Variants in NCAPG2 observed in about 807,000 individuals in gnomAD.
The protein encoded by NCAPG2 is condensin-2 complex subunit G2.
In NCAPG2, 53 loss-of-function variants were observed where a neutral mutation model predicts 141.1. The ratio of observed to expected loss-of-function variants is 0.38; its 90% CI spans 0.30 to 0.47. The LOEUF (loss-of-function observed/expected upper bound fraction) is 0.47, where lower values mean the gene tolerates loss of function less well. Among genes scored for constraint, NCAPG2 ranks in the 20% least tolerant of loss-of-function variants. NCAPG2 has a pLI of 0.99. For missense variants in NCAPG2, 1,087 were observed against 1,389.0 expected (o/e 0.78, Z 3.46); for synonymous variants, 499 against 490.7 (o/e 1.02, Z -0.22).
In NCAPG2 at chr7:158,640,310, T is replaced by C. The variant is rs984282492; in HGVS notation, c.3380+3979A>G. Reference sequence around the variant, plus strand: ...CAGCAATTTGAGAAGCTGAGGCGAGTAGATCACTTGAGATCAAGAATTCGA... The same window carrying C: ...CAGCAATTTGAGAAGCTGAGGCGAGCAGATCACTTGAGATCAAGAATTCGA... On this transcript the variant is annotated intron_variant, in intron 27 of 27. Coordinates refer to ENST00000356309, the MANE Select transcript of NCAPG2 (RefSeq NM_017760.7). 1.2e-4 allele frequency: 18 copies of C among 151,352 alleles called. 1 individual carries two copies. The highest frequency in any genetic ancestry group is 1.5e-5 in the Non-Finnish European group (1 of 67,866). 9.4% of individuals were successfully genotyped at this position (151,352 alleles called of 1,614,324 possible).
In NCAPG2 at chr7:158,703,445, T is replaced by C. The variant is rs78631556; in HGVS notation, c.-40+1279A>G. Among the ~76,000 whole-genome samples, 724 of 152,336 alleles carry C rather than the reference T, an allele frequency of 4.8e-3. 42 individuals carry two copies. The East Asian group carries it at 0.11, about 24-fold the overall frequency. ...TACCTCTTTGGCATGTTAGTCCAAC[T>C]TACAGTAATACACTTCCTCTAGACT... On this transcript the variant is annotated intron_variant, in intron 1 of 27. Transcript: ENST00000356309.
chr7:158,669,592 A>C (rs993932059), intron 13 of NCAPG2, among the ~76,000 whole-genome samples: 3 of 151,208 alleles, frequency 2.0e-5, no homozygotes, highest in African/African-American at 7.3e-5. Flanking sequence ...GTGAAACCCC[A>C]TCTCTACTAA....
chr7:158,649,039 G>A (rs148926845), intron 24 of NCAPG2, among the ~76,000 whole-genome samples: 80 of 152,340 alleles, frequency 5.3e-4, no homozygotes, highest in African/African-American at 1.6e-3. Flanking sequence ...CTACCCATGT[G>A]GGGGTGAGGT....
chr7:158,656,410 C>T lies in NCAPG2; in HGVS notation c.2238G>A (p.Arg746=). Residue 746 remains arginine, a synonymous_variant, in exon 19 of 28, where the codon AGG becomes AGA. Coordinates refer to ENST00000356309, the MANE Select transcript of NCAPG2 (RefSeq NM_017760.7). Reference sequence around the variant, plus strand: ...CTGGGCGTGTGTCATGGATCTGCACCCTACCTTTAGAAGCTGTGTTGCTCT... The same window carrying T: ...CTGGGCGTGTGTCATGGATCTGCACTCTACCTTTAGAAGCTGTGTTGCTCT... ...QAKSNTASKG[R]VQIHDTRPVK... 1.2e-6 allele frequency: 2 copies of T among 1,614,030 alleles called. No homozygotes were observed. Among genetic ancestry groups the T allele is most frequent in the Non-Finnish European group, 1.7e-6 (2 of 1,180,004 alleles).
intron 13 of NCAPG2, among the ~76,000 whole-genome samples, chr7:158,666,135 G>A (rs954593340): frequency 6.6e-6 from 1 of 152,196 alleles, no homozygotes; most frequent in Admixed American, 6.5e-5. Flanking sequence ...TTAAGGGACT[G>A]GAGATTTCTT....
chr7:158,637,211 T>G (rs1830282340), intron 27 of NCAPG2, among the ~76,000 whole-genome samples: 1 of 152,230 alleles, frequency 6.6e-6, no homozygotes, highest in Non-Finnish European at 1.5e-5. Context: ...CCTCCCAAAG[T>G]GCTGAGAGGG....
At chr7:158,653,445 T>G (rs1234617199) in intron 22 of NCAPG2, among the ~76,000 whole-genome samples, 2 of 151,824 alleles carry the variant, frequency 1.3e-5, no homozygotes, top group Non-Finnish European at 2.9e-5. Flanking sequence ...CTATTTAATA[T>G]TTACTCTTAA....
At position 158,662,229 on chromosome 7, in the gene NCAPG2, C is replaced by T. The variant is rs61746693; in HGVS notation, c.1954G>A (p.Ala652Thr). The change falls in exon 16 of 28, where the codon GCC becomes ACC. Residue 652 changes from alanine (A) to threonine (T), a missense_variant. Transcript: ENST00000356309. ...TTCAGATACTCTGGAAGCACAGAGG[C>T]AAACTTGTTAATCGTGTAAAGTTTG... ...EAKLYTINKF[A>T]SVLPEYLKVF... The T allele has an allele frequency of 5.0e-4, 805 of 1,609,216 alleles. No individual in the cohort carries two copies. In the African/African-American group the frequency reaches 7.2e-3, roughly 14 times the overall value.
intron 27 of NCAPG2, 93 bp downstream of exon 27, chr7:158,644,196 G>GT: frequency 9.4e-7 from 1 of 1,059,608 alleles, no homozygotes; most frequent in South Asian, 1.4e-5. Flanking sequence ...CCACCTGGGT[G>GT]TAAGTAGCAG....
chr7:158,684,807 C>A (rs1834656631), intron 8 of NCAPG2, among the ~76,000 whole-genome samples: 1 of 152,386 alleles, frequency 6.6e-6, no homozygotes, highest in South Asian at 2.1e-4. Context: ...CCCTCCTCGG[C>A]CTCCCAAAGT....
In NCAPG2 at chr7:158,704,469, C is replaced by T. The variant is rs72505583; in HGVS notation, c.-40+255G>A. 4.5e-3 allele frequency among the ~76,000 whole-genome samples: 690 copies of T among 152,040 alleles called. 36 individuals are homozygous for T. In the East Asian group the frequency reaches 0.11, roughly 24 times the overall value. Reference sequence around the variant, plus strand: ...GGTCGCTCTCTGAGGGCAGTGCCCGCGCCCGGGGCTGGGATTTTCCTCCGA... The same window carrying T: ...GGTCGCTCTCTGAGGGCAGTGCCCGTGCCCGGGGCTGGGATTTTCCTCCGA... On this transcript the variant is annotated intron_variant, in intron 1 of 27. Transcript: ENST00000356309.
intron 9 of NCAPG2, among the ~76,000 whole-genome samples, chr7:158,681,919 C>T (rs1271827651): frequency 1.3e-5 from 2 of 152,064 alleles, no homozygotes; most frequent in Non-Finnish European, 2.9e-5. Context: ...AAACCTCTTT[C>T]AATATCAATA....
chr7:158,646,505 GA>G lies in NCAPG2; in HGVS notation c.3133del (p.Ser1045GlnfsTer4). ...PEHLSDLPPFSRCLIGIIIKS... is the reference protein window; with the variant it reads ...PEHLSDLPPFXRCLIGIIIKS... ...TATTATTATTCCTATTAAACACCTTGAAAATGGTGGAAGATCAGAAAGATGC... is the reference window on the plus strand; with the variant it reads ...TATTATTATTCCTATTAAACACCTTGAAATGGTGGAAGATCAGAAAGATGC... On this transcript the variant is annotated frameshift_variant, in exon 25 of 28. Transcript: ENST00000356309. LOFTEE classifies it high-confidence loss of function. 1.3e-6 allele frequency: 2 copies of G among 1,586,886 alleles called. No individual in the cohort carries two copies. Among genetic ancestry groups the G allele is most frequent in the East Asian group, 2.3e-5 (1 of 43,884 alleles).
intron 6 of NCAPG2, among the ~76,000 whole-genome samples, chr7:158,689,255 T>C (rs1191281936): frequency 6.6e-6 from 1 of 152,220 alleles, no homozygotes; most frequent in Admixed American, 6.5e-5. Context: ...AAATTATTAA[T>C]GAGCTATTTT....
intron 13 of NCAPG2, among the ~76,000 whole-genome samples, chr7:158,670,895 G>A (rs1450140423): frequency 2.6e-5 from 4 of 152,196 alleles, no homozygotes; most frequent in African/African-American, 9.7e-5. Context: ...TTTCTGAGAA[G>A]CTACTGTGTG....
intron 12 of NCAPG2, among the ~76,000 whole-genome samples, chr7:158,672,532 G>A (rs1374255341): frequency 7.9e-5 from 12 of 151,094 alleles, no homozygotes; most frequent in East Asian, 2.0e-4. Flanking sequence ...TAGTAGAGAC[G>A]GGGTTTTACC....
chr7:158,643,609 C>T (rs1393627736), intron 27 of NCAPG2, among the ~76,000 whole-genome samples: 1 of 152,200 alleles, frequency 6.6e-6, no homozygotes, highest in East Asian at 1.9e-4. Flanking sequence ...AACCTTTCTC[C>T]AGAGGAAGTA....
intron 16 of NCAPG2, among the ~76,000 whole-genome samples, chr7:158,661,984 G>A (rs1162290489): frequency 6.6e-6 from 1 of 151,906 alleles, no homozygotes; most frequent in Non-Finnish European, 1.5e-5. Flanking sequence ...TGGGTGCTGA[G>A]GATATGGAAG....
intron 27 of NCAPG2, among the ~76,000 whole-genome samples, chr7:158,643,480 A>C (rs949223407): frequency 6.6e-6 from 1 of 152,232 alleles, no homozygotes; most frequent in African/African-American, 2.4e-5. Flanking sequence ...CCCAGCCTAC[A>C]AACCAAATTT....
Sources: gnomAD v4.1 joint callset for allele counts (sites outside exome capture counted in the v4.1 genomes callset) on GRCh38, gnomAD v4.1.1 for gene constraint, MANE v1.5 for transcripts, NCBI Gene and HGNC (gene_info 2026-07-23, HGNC 2026-07-21) for gene names.